Variants in ZMAT4 observed in about 807,000 individuals in gnomAD.
ZMAT4 encodes the protein zinc finger matrin-type protein 4.
Under a neutral mutation model 28.7 loss-of-function variants are expected in ZMAT4, and 17 were observed. The observed-to-expected ratio is 0.59, with a 90% CI of 0.41 to 0.89. ZMAT4 has a LOEUF of 0.89. ZMAT4 is among the 40% of genes least tolerant of loss of function. ZMAT4 has a pLI of 0.00. For missense variants in ZMAT4, 240 were observed against 283.8 expected, an observed-to-expected ratio of 0.85 and a Z score of 1.11; for synonymous variants, 117 against 109.2, an observed-to-expected ratio of 1.07 and a Z score of -0.44.
chr8:40,846,125 C>T (rs920094536), intron 1 of ZMAT4, among the ~76,000 whole-genome samples: 4 of 152,128 alleles, frequency 2.6e-5, no homozygotes, highest in African/African-American at 7.2e-5. Flanking sequence ...CAGCTGAGAC[C>T]GGGAGATAGC....
chr8:40,580,953 G>GA (rs1804444053), intron 6 of ZMAT4, among the ~76,000 whole-genome samples: 1 of 151,474 alleles, frequency 6.6e-6, no homozygotes, highest in Admixed American at 6.6e-5. Context: ...AACTGTCCTT[G>GA]AAAAAATGAA....
intron 1 of ZMAT4, among the ~76,000 whole-genome samples, chr8:40,870,419 C>T (rs758216097): frequency 2.0e-5 from 3 of 152,150 alleles, no homozygotes; most frequent in East Asian, 1.9e-4. Flanking sequence ...ATCTGTCTTA[C>T]GTCAGTTTAA....
intron 1 of ZMAT4, 29 bp from the exon 2 acceptor site, chr8:40,825,709 T>A: frequency 1.3e-6 from 2 of 1,509,994 alleles, no homozygotes; most frequent in South Asian, 2.4e-5. Context: ...AAAAGAAAAA[T>A]GAGTCCACTG....
chr8:40,739,892 G>A (rs572387970), intron 3 of ZMAT4, among the ~76,000 whole-genome samples: 4 of 152,244 alleles, frequency 2.6e-5, no homozygotes, highest in African/African-American at 7.2e-5. Context: ...GAGAACATGC[G>A]GTGTTTGGTT....
chr8:40,618,431 A>T (rs557586974), intron 5 of ZMAT4, among the ~76,000 whole-genome samples: 2 of 152,290 alleles, frequency 1.3e-5, no homozygotes, highest in Non-Finnish European at 2.9e-5. Context: ...CACCAGATAT[A>T]TTTCATGGTT....
At chr8:40,774,725 G>A (rs1813521139) in intron 2 of ZMAT4, among the ~76,000 whole-genome samples, 2 of 151,154 alleles carry the variant, frequency 1.3e-5, no homozygotes, top group African/African-American at 4.8e-5. Context: ...TTTCTAATCA[G>A]AATATAAATT....
chr8:40,723,320 A>G (rs910117428), intron 3 of ZMAT4, among the ~76,000 whole-genome samples: 3 of 152,174 alleles, frequency 2.0e-5, no homozygotes, highest in Admixed American at 1.3e-4. Flanking sequence ...AGGTGGGCAG[A>G]TCACCTGAGG....
At chr8:40,771,242 G>A (rs1280688381) in intron 2 of ZMAT4, among the ~76,000 whole-genome samples, 1 of 150,404 alleles carries the variant, frequency 6.6e-6, no homozygotes, top group East Asian at 1.9e-4. Flanking sequence ...CATATATAAT[G>A]AATGTTGAAA....
intron 2 of ZMAT4, among the ~76,000 whole-genome samples, chr8:40,814,923 A>G (rs1815470837): frequency 6.6e-6 from 1 of 152,268 alleles, no homozygotes; most frequent in South Asian, 2.1e-4. Context: ...AACAAATACC[A>G]AAATATATCT....
At chr8:40,607,713 A>C (rs982831367) in intron 5 of ZMAT4, among the ~76,000 whole-genome samples, 2 of 152,140 alleles carry the variant, frequency 1.3e-5, no homozygotes, top group African/African-American at 4.8e-5. Flanking sequence ...CCTTTTGCCC[A>C]CAGAGTGCTC....
At chr8:40,727,770 T>A (rs1289197518) in intron 3 of ZMAT4, among the ~76,000 whole-genome samples, 1 of 152,226 alleles carries the variant, frequency 6.6e-6, no homozygotes, top group African/African-American at 2.4e-5. Flanking sequence ...TTATGAACTA[T>A]CACTATGAAC....
intron 3 of ZMAT4, among the ~76,000 whole-genome samples, chr8:40,715,683 C>T (rs755574378): frequency 2.0e-4 from 30 of 152,116 alleles, no homozygotes; most frequent in Non-Finnish European, 3.7e-4. Flanking sequence ...GTGTGCTTTA[C>T]GAGATAAGAT....
chr8:40,660,243 G>A (rs1808125477), intron 5 of ZMAT4, among the ~76,000 whole-genome samples: 1 of 152,058 alleles, frequency 6.6e-6, no homozygotes, highest in Non-Finnish European at 1.5e-5. Flanking sequence ...ATTTCTATTG[G>A]CAGCAAACCA....
At chr8:40,729,597 CTTTT>C (rs71546305) in intron 3 of ZMAT4, among the ~76,000 whole-genome samples, 32,788 of 141,742 alleles carry the variant, frequency 0.23, 4,803 homozygotes, top group Middle Eastern at 0.35. Flanking sequence ...TTCTTTCTTT[CTTTT>C]TTTTTTTTTT....
intron 2 of ZMAT4, among the ~76,000 whole-genome samples, chr8:40,785,800 C>T (rs1814047467): frequency 6.6e-6 from 1 of 152,170 alleles, no homozygotes; most frequent in African/African-American, 2.4e-5. Context: ...CCACATTATG[C>T]AGTACCATGC....
chr8:40,814,228 G>A (rs10112409), intron 2 of ZMAT4, among the ~76,000 whole-genome samples: 96,899 of 152,160 alleles, frequency 0.64, 31,369 homozygotes, highest in Middle Eastern at 0.74. Flanking sequence ...ACTGTTCTCA[G>A]CACCTCCAAG....
At chr8:40,847,736 G>C (rs549704188) in intron 1 of ZMAT4, among the ~76,000 whole-genome samples, 1 of 152,200 alleles carries the variant, frequency 6.6e-6, no homozygotes, top group South Asian at 2.1e-4. Context: ...GGAAATGAAG[G>C]CACCTGCAGA....
At chr8:40,674,562 C>A in intron 5 of ZMAT4, 142 bp downstream of exon 5, 1 of 641,170 alleles carries the variant, frequency 1.6e-6, no homozygotes, top group Non-Finnish European at 2.7e-6. Context: ...TGCTCATTTC[C>A]TTTCTTGTCC....
At chr8:40,823,932 A>T (rs886647411) in intron 2 of ZMAT4, among the ~76,000 whole-genome samples, 1 of 152,230 alleles carries the variant, frequency 6.6e-6, no homozygotes, top group Non-Finnish European at 1.5e-5. Flanking sequence ...GGAATTAATG[A>T]TGAATAAGCA....
Sources: allele counts gnomAD v4.1 joint callset (sites outside exome capture counted in the v4.1 genomes callset), GRCh38; gene constraint gnomAD v4.1.1; transcripts MANE v1.5; gene names NCBI Gene and HGNC (gene_info 2026-07-23, HGNC 2026-07-21).